The following DZIP3 variants were observed in gnomAD, a reference collection of about 807,000 sequenced individuals.
DZIP3 encodes E3 ubiquitin-protein ligase DZIP3.
In DZIP3, 118 loss-of-function variants were observed where a neutral mutation model predicts 162.0. The observed-to-expected ratio is 0.73, with a 90% CI of 0.63 to 0.85. The LOEUF (loss-of-function observed/expected upper bound fraction) is 0.85. Ranked by LOEUF, DZIP3 falls within the 40% of genes least tolerant of loss-of-function variation. DZIP3 has a pLI of 0.00. For synonymous variants in DZIP3, 438 were observed against 458.6 expected (o/e 0.96, Z 0.57); for missense variants, 1,331 against 1,407.0 (o/e 0.95, Z 0.86).
At chr3:108,675,633 A>G (rs1026421135) in intron 24 of DZIP3, among the ~76,000 whole-genome samples, 153 bp from the exon 25 acceptor site, 1 of 152,056 alleles carries the variant, frequency 6.6e-6, no homozygotes, top group Non-Finnish European at 1.5e-5. Context: ...AAACCTGTCC[A>G]TACCTCTTTA....
At chr3:108,660,262 A>ATT (rs1943357235) in intron 19 of DZIP3, among the ~76,000 whole-genome samples, 1 of 152,206 alleles carries the variant, frequency 6.6e-6, no homozygotes, top group African/African-American at 2.4e-5. Flanking sequence ...CAGTAACGAA[A>ATT]ACAGCATGGT....
At chr3:108,635,012 C>A in intron 10 of DZIP3, 40 bp downstream of exon 10, 2 of 1,264,946 alleles carry the variant, frequency 1.6e-6, no homozygotes, top group South Asian at 1.3e-5. Flanking sequence ...GCATTTCTTC[C>A]TCTACCCTTT....
At chr3:108,617,904 G>A (rs1051639228) in intron 5 of DZIP3, among the ~76,000 whole-genome samples, 6 of 152,192 alleles carry the variant, frequency 3.9e-5, no homozygotes, top group African/African-American at 1.4e-4. Flanking sequence ...TTACTTCAAA[G>A]ATGAGTCTTA....
intron 21 of DZIP3, among the ~76,000 whole-genome samples, chr3:108,663,658 T>A (rs1447766718): frequency 6.6e-6 from 1 of 152,102 alleles, no homozygotes. Flanking sequence ...TATCAAAGAT[T>A]AGAAAAGCAT....
At chr3:108,618,784 C>T (rs530371285) in intron 5 of DZIP3, among the ~76,000 whole-genome samples, 5 of 152,020 alleles carry the variant, frequency 3.3e-5, no homozygotes, top group Admixed American at 2.6e-4. Flanking sequence ...GCTTATGGGC[C>T]GGGCGCGGTG....
chr3:108,677,410 A>G (rs1944153652), intron 25 of DZIP3, 87 bp from the exon 26 acceptor site: 1 of 1,064,288 alleles, frequency 9.4e-7, no homozygotes, highest in Non-Finnish European at 1.4e-6. Flanking sequence ...TGTATGTTGT[A>G]TTATTCAAAA....
intron 23 of DZIP3, among the ~76,000 whole-genome samples, chr3:108,673,619 C>G (rs1944001546): frequency 6.6e-6 from 1 of 151,874 alleles, no homozygotes; most frequent in Non-Finnish European, 1.5e-5. Context: ...ATCTCCCAAG[C>G]CCGTTTCTGT....
chr3:108,601,680 A>G (rs1444806010), intron 1 of DZIP3, among the ~76,000 whole-genome samples: 1 of 152,172 alleles, frequency 6.6e-6, no homozygotes, highest in African/African-American at 2.4e-5. Context: ...TTGGCCAGGT[A>G]TTTTTGAAAT....
At chr3:108,599,571 A>G (rs1939887946) in intron 1 of DZIP3, among the ~76,000 whole-genome samples, 1 of 152,218 alleles carries the variant, frequency 6.6e-6, no homozygotes, top group South Asian at 2.1e-4. Context: ...CTAACATACG[A>G]GAAATAAAGA....
Position 108,648,021 on chromosome 3 carries a change from C to A in DZIP3, c.1871C>A (p.Ser624Ter), listed in dbSNP as rs1408582413. 6.2e-7 allele frequency: 1 copy of A among 1,611,264 alleles called. No individual in the cohort carries two copies. The highest frequency in any genetic ancestry group is 8.5e-7 in the Non-Finnish European group (1 of 1,178,794). The change falls in exon 16 of 33, where the codon TCA (serine) becomes TAA (stop). Residue 624 changes from serine to a stop codon, truncating the protein, a stop_gained. Coordinates refer to ENST00000361582, the MANE Select transcript of DZIP3 (RefSeq NM_014648.4). LOFTEE classifies it high-confidence loss of function. ...PLMEYNINVK[S>*]HPEIQFAEIN... is the part of the protein sequence containing the mutation. ...ATGGAGTACAATATAAATGTGAAAT[C>A]ACACCCTGAGATACAGTTTGCAGAA...
chr3:108,688,647 T>C lies in DZIP3; in HGVS notation c.3325T>C (p.Ser1109Pro), dbSNP rs78698346. 1.2e-6 allele frequency: 2 copies of C among 1,614,156 alleles called. No homozygotes were observed. The highest frequency in any genetic ancestry group is 4.5e-5 in the East Asian group (2 of 44,878). ...TTGTGTTTCACCTAGTCATTCTCCA[T>C]CACAGCCTGATGCTGCCCAGCCCCC... ...VNCVSPSHSP[S>P]QPDAAQPPKP... The change falls in exon 30 of 33, where the codon TCA becomes CCA. Residue 1109 changes from serine to proline, a missense_variant. Ser to Pro is a moderately conservative substitution (Grantham distance 74). This residue lies in a region of DZIP3 where 1,278 missense variants were observed against 1,317.1 expected (regional missense o/e 0.97). Coordinates refer to ENST00000361582, the MANE Select transcript of DZIP3 (RefSeq NM_014648.4).
chr3:108,589,590 G>A (rs1186686686), upstream of DZIP3: 1 of 437,540 alleles, frequency 2.3e-6, no homozygotes, highest in African/African-American at 2.0e-5. Flanking sequence ...GGTCCAGGAC[G>A]GGGGTTGGGA....
chr3:108,636,600 C>G lies in DZIP3; in HGVS notation c.919-16C>G, dbSNP rs1007793469. ...GATTTTTTTCTATTTTTATTTTTTTCTATTAATAAATTTAGAGTTTTAGTG... is the reference window on the plus strand; with the variant it reads ...GATTTTTTTCTATTTTTATTTTTTTGTATTAATAAATTTAGAGTTTTAGTG... On this transcript the variant is annotated splice_polypyrimidine_tract_variant and intron_variant, in intron 10 of 32. Transcript: ENST00000361582. The G allele has an allele frequency of 2.0e-6, 3 of 1,478,628 alleles. No individual in the cohort carries two copies. In the African/African-American group the frequency reaches 4.4e-5, roughly 22 times the overall value. 91.6% of individuals were successfully genotyped at this position (1,478,628 alleles called of 1,614,324 possible). A position where few individuals can be genotyped will look rare whatever the true frequency, so the allele number is the denominator to read the frequency against.
At chr3:108,626,390 A>G (rs1294070948) in intron 7 of DZIP3, among the ~76,000 whole-genome samples, 2 of 152,194 alleles carry the variant, frequency 1.3e-5, no homozygotes, top group East Asian at 3.8e-4. Flanking sequence ...TACTTAATAA[A>G]TAAATTATGG....
chr3:108,631,055 A>ACACACACACACACTCTCT lies in DZIP3; in HGVS notation c.696+1880_696+1881insACACACACACACTCTCTC. The stretch of plus-strand genomic sequence containing the variant: ...CACACACACACACACACACACACAC[A>ACACACACACACACTCTCT]CTCTCTCTCTCTCTCTCTCTCTCTC... On this transcript the variant is annotated intron_variant, in intron 8 of 32. Coordinates refer to ENST00000361582, the MANE Select transcript of DZIP3 (RefSeq NM_014648.4). Among the ~76,000 whole-genome samples the ACACACACACACACTCTCT allele has an allele frequency of 4.7e-3, 85 of 18,016 alleles. 3 individuals carry two copies. Among genetic ancestry groups the ACACACACACACACTCTCT allele is most frequent in the Non-Finnish European group, 5.2e-3 (58 of 11,164 alleles). 11.8% of individuals were successfully genotyped at this position (18,016 alleles called of 152,430 possible).
chr3:108,598,834 A>G (rs973960212), intron 1 of DZIP3, among the ~76,000 whole-genome samples: 1 of 152,198 alleles, frequency 6.6e-6, no homozygotes, highest in Non-Finnish European at 1.5e-5. Context: ...GTTTCTAGCT[A>G]CGTTTCTGAA....
chr3:108,654,066 A>G, intron 18 of DZIP3, 79 bp from the exon 19 acceptor site: 1 of 1,469,620 alleles, frequency 6.8e-7, no homozygotes. Flanking sequence ...CCAGTACAAT[A>G]CTAACTTTGG....
chr3:108,635,044 T>C, intron 10 of DZIP3, 72 bp downstream of exon 10: 2 of 922,582 alleles, frequency 2.2e-6, no homozygotes, highest in South Asian at 1.8e-5. Flanking sequence ...CTCTTCCCCA[T>C]CGTTTCTTCC....
intron 1 of DZIP3, among the ~76,000 whole-genome samples, chr3:108,592,430 A>G (rs1249437715): frequency 6.6e-6 from 1 of 152,104 alleles, no homozygotes; most frequent in African/African-American, 2.4e-5. Flanking sequence ...GTAGTGGCTC[A>G]TGCCTTTTAT....
Sources: gnomAD v4.1 joint callset for allele counts (sites outside exome capture counted in the v4.1 genomes callset) on GRCh38, gnomAD v4.1.1 for gene constraint, gnomAD v4.1.1 regional missense constraint, MANE v1.5 for transcripts, NCBI Gene and HGNC (gene_info 2026-07-23, HGNC 2026-07-21) for gene names.